The following DLGAP2 variants were observed in gnomAD, a reference collection of about 807,000 sequenced individuals.
The protein encoded by DLGAP2 is disks large-associated protein 2.
Under a neutral mutation model 100.3 loss-of-function variants are expected in DLGAP2, and 26 were observed. The observed-to-expected ratio is 0.26, with a 90% CI of 0.19 to 0.36. The LOEUF is 0.36. DLGAP2 is among the 10% of genes least tolerant of loss of function. DLGAP2 has a pLI of 1.00. For missense variants in DLGAP2, 1,858 were observed against 1,453.2 expected (o/e 1.28, Z -4.53); for synonymous variants, 886 against 630.1 (o/e 1.41, Z -6.08).
At chr8:1,585,400 G>A (rs1006640133) in intron 6 of DLGAP2, among the ~76,000 whole-genome samples, 1 of 152,158 alleles carries the variant, frequency 6.6e-6, no homozygotes, top group African/African-American at 2.4e-5. Context: ...GGAGGCGGAG[G>A]TTGCAGTGAG....
intron 4 of DLGAP2, among the ~76,000 whole-genome samples, chr8:1,535,386 A>C (rs1801123111): frequency 6.6e-6 from 1 of 152,172 alleles, no homozygotes. Context: ...ACCCACAAAC[A>C]TGAAATGCGC....
At chr8:1,002,889 A>G (rs967134938) in intron 2 of DLGAP2, 2 of 152,262 alleles carry the variant, frequency 1.3e-5, no homozygotes, top group Non-Finnish European at 2.9e-5. Flanking sequence ...CAGGCACCCC[A>G]TGTCCCAACG....
At chr8:1,573,250 C>T (rs7003365) in intron 6 of DLGAP2, among the ~76,000 whole-genome samples, 2,424 of 94,566 alleles carry the variant, frequency 0.026, 80 homozygotes, top group African/African-American at 0.098. Context: ...GGGGCGTCTT[C>T]TGGGATGGAG....
chr8:1,105,497 G>A (rs1585064264), intron 2 of DLGAP2, among the ~76,000 whole-genome samples: 3 of 152,286 alleles, frequency 2.0e-5, no homozygotes, highest in African/African-American at 7.2e-5. Flanking sequence ...TGCAGGGAGG[G>A]GGTAGCCATG....
intron 2 of DLGAP2, among the ~76,000 whole-genome samples, chr8:1,054,837 AAC>A (rs1462810694): frequency 6.6e-6 from 1 of 152,244 alleles, no homozygotes; most frequent in Non-Finnish European, 1.5e-5. Context: ...GAAAAACCAT[AAC>A]TTATCTAAAA....
intron 2 of DLGAP2, among the ~76,000 whole-genome samples, chr8:1,069,233 G>C (rs1303562230): frequency 6.6e-6 from 1 of 152,188 alleles, no homozygotes; most frequent in East Asian, 1.9e-4. Context: ...AGAAGGGGCT[G>C]GTGGGCAGGG....
rs560111821 is a variant in DLGAP2, at chr8:1,695,469, G to A, written c.2797-1678G>A. Among the ~76,000 whole-genome samples the A allele has an allele frequency of 5.4e-4, 76 of 139,866 alleles. 4 individuals carry two copies. Among genetic ancestry groups the A allele is most frequent in the African/African-American group, 2.1e-3 (70 of 34,132 alleles). The allele number at this position is 139,866 out of a possible 152,430, so 91.8% of individuals were successfully genotyped here. The stretch of plus-strand genomic sequence containing the variant: ...GAAAGAGGGGGCACAGCCATGCCTG[G>A]CACTACAGAAAGAGGGGGCACAGCC... On this transcript the variant is annotated intron_variant, in intron 13 of 14. Transcript: ENST00000637795.
rs577752036 is a variant in DLGAP2 at position 1,380,521 on chromosome 8, C to CT, written c.107-120839dup. 1.0e-3 allele frequency among the ~76,000 whole-genome samples: 154 copies of CT among 150,380 alleles called. 1 individual carries two copies. The highest frequency in any genetic ancestry group is 3.6e-3 in the African/African-American group (148 of 40,998). ...CACAAAAGACTTGTGATAAGCGAGG[C>CT]TTTTTTCTGAGAAAGTGTGCGGGCC... is the stretch of plus-strand genomic sequence containing the variant. On this transcript the variant is annotated intron_variant, in intron 3 of 14. Transcript: ENST00000637795.
At chr8:1,168,743 G>T (rs1192562602) in intron 2 of DLGAP2, among the ~76,000 whole-genome samples, 1 of 141,060 alleles carries the variant, frequency 7.1e-6, no homozygotes, top group African/African-American at 2.8e-5. Flanking sequence ...TTTTTTTCTC[G>T]TAAATTTGTT....
intron 2 of DLGAP2, among the ~76,000 whole-genome samples, chr8:1,129,977 C>T (rs1216761311): frequency 6.6e-6 from 1 of 152,206 alleles, no homozygotes; most frequent in Non-Finnish European, 1.5e-5. Context: ...TAAGGACAGG[C>T]AGTTCTAATT....
intron 1 of DLGAP2, among the ~76,000 whole-genome samples, chr8:817,583 T>G (rs963280478): frequency 6.6e-6 from 1 of 152,202 alleles, no homozygotes; most frequent in Non-Finnish European, 1.5e-5. Flanking sequence ...TCCTTCTCAT[T>G]TGGGTAGACT....
At chr8:1,391,410 G>A (rs947165049) in intron 3 of DLGAP2, among the ~76,000 whole-genome samples, 2 of 152,190 alleles carry the variant, frequency 1.3e-5, no homozygotes, top group African/African-American at 2.4e-5. Flanking sequence ...GGCTTATCCA[G>A]GGACACCAGG....
At chr8:1,325,824 C>A (rs1801008791) in intron 3 of DLGAP2, among the ~76,000 whole-genome samples, 1 of 152,074 alleles carries the variant, frequency 6.6e-6, no homozygotes, top group Non-Finnish European at 1.5e-5. Context: ...CCTTTTGGAT[C>A]GTTTTTTTGC....
At chr8:1,499,103 G>A (rs1047912552) in intron 3 of DLGAP2, among the ~76,000 whole-genome samples, 5 of 152,200 alleles carry the variant, frequency 3.3e-5, no homozygotes, top group African/African-American at 4.8e-5. Flanking sequence ...ACCTTCAAAC[G>A]TCCCCACTCC....
chr8:1,482,797 G>A (rs1406519034), intron 3 of DLGAP2, among the ~76,000 whole-genome samples: 1 of 152,268 alleles, frequency 6.6e-6, no homozygotes. Flanking sequence ...GCGTGGATGT[G>A]GGGATGGGCG....
chr8:1,424,396 T>TA, intron 3 of DLGAP2, among the ~76,000 whole-genome samples: 1 of 152,340 alleles, frequency 6.6e-6, no homozygotes, highest in African/African-American at 2.4e-5. Flanking sequence ...AGCATACTGA[T>TA]ATTGGCATAT....
intron 1 of DLGAP2, among the ~76,000 whole-genome samples, chr8:762,088 C>T (rs1821102168): frequency 6.6e-6 from 1 of 152,168 alleles, no homozygotes; most frequent in Non-Finnish European, 1.5e-5. Context: ...TGCTATGTAA[C>T]TGTCACAGAA....
intron 6 of DLGAP2, among the ~76,000 whole-genome samples, chr8:1,620,193 G>T (rs1264566692): frequency 6.6e-6 from 1 of 152,044 alleles, no homozygotes; most frequent in Admixed American, 6.5e-5. Flanking sequence ...CACTGAAACT[G>T]TCCTTTTTAA....
At chr8:956,119 T>G (rs1429626780) in intron 2 of DLGAP2, among the ~76,000 whole-genome samples, 1 of 152,200 alleles carries the variant, frequency 6.6e-6, no homozygotes, top group East Asian at 1.9e-4. Context: ...ACCAAGCACA[T>G]TGTATAAAGC....
Sources: allele counts gnomAD v4.1 joint callset (sites outside exome capture counted in the v4.1 genomes callset), GRCh38; gene constraint gnomAD v4.1.1; transcripts MANE v1.5; gene names NCBI Gene and HGNC (gene_info 2026-07-23, HGNC 2026-07-21).